Variants in RAB3C observed in about 807,000 individuals in gnomAD.
The protein encoded by RAB3C is RAB3C, member RAS oncogene family, also known as ras-related protein Rab-3C.
In RAB3C, 17 loss-of-function variants were observed where a neutral mutation model predicts 26.4. The observed-to-expected ratio is 0.64, with a 90% confidence interval of 0.44 to 0.97. The LOEUF (loss-of-function observed/expected upper bound fraction) is 0.97. RAB3C is among the 50% of genes least tolerant of loss of function. The probability of loss-of-function intolerance (pLI) is 0.00; values close to 1 mark genes in which losing one functional copy is unlikely to be tolerated. For missense variants in RAB3C, 242 were observed against 281.9 expected (o/e 0.86, Z 1.01); for synonymous variants, 91 against 95.9 (o/e 0.95, Z 0.30).
chr5:58,714,493 G>A (rs769531703), intron 2 of RAB3C, among the ~76,000 whole-genome samples: 3 of 152,006 alleles, frequency 2.0e-5, no homozygotes, highest in Non-Finnish European at 4.4e-5. Flanking sequence ...CATGAAAGGA[G>A]GATTTGAGAT....
intron 3 of RAB3C, among the ~76,000 whole-genome samples, chr5:58,816,491 GC>G (rs1743220574): frequency 6.6e-6 from 1 of 152,114 alleles, no homozygotes; most frequent in Non-Finnish European, 1.5e-5. Context: ...ACCTTCCGTT[GC>G]TTTCACGAAA....
At chr5:58,727,776 A>G (rs1035522409) in intron 3 of RAB3C, among the ~76,000 whole-genome samples, 3 of 151,996 alleles carry the variant, frequency 2.0e-5, no homozygotes, top group African/African-American at 7.2e-5. Context: ...AAGTGCTATT[A>G]TAAGTTTTCC....
At chr5:58,741,910 C>T (rs1741282772) in intron 3 of RAB3C, 1 of 151,246 alleles carries the variant, frequency 6.6e-6, no homozygotes, top group Non-Finnish European at 1.5e-5. Flanking sequence ...GAGGCTGAGT[C>T]AGAAGAATTG....
chr5:58,799,776 T>G (rs554956648), intron 3 of RAB3C, among the ~76,000 whole-genome samples: 1 of 152,296 alleles, frequency 6.6e-6, no homozygotes, highest in East Asian at 1.9e-4. Context: ...TGCTGGGATC[T>G]AAATGAATCC....
rs922715113 is a variant in RAB3C at position 58,851,988 on chromosome 5, C to T, written c.*637C>T. ...TGTTTTTAAGGTCCTTGCAATTTTC[C>T]TAAGTCATTAATATTACCTGACTGG... On this transcript the variant is annotated 3_prime_UTR_variant, in exon 5 of 5. Transcript: ENST00000282878. The T allele has an allele frequency of 6.6e-6, 1 of 152,070 alleles. No individual in the cohort carries two copies. Among genetic ancestry groups the T allele is most frequent in the African/African-American group, 2.4e-5 (1 of 41,404 alleles). 9.4% of individuals were successfully genotyped at this position (152,070 alleles called of 1,614,324 possible).
At chr5:58,761,461 T>C (rs576328755) in intron 3 of RAB3C, among the ~76,000 whole-genome samples, 2 of 152,318 alleles carry the variant, frequency 1.3e-5, no homozygotes, top group East Asian at 3.9e-4. Flanking sequence ...ATGTTACTGG[T>C]TCTGAAAAAT....
rs538528461 is a variant in RAB3C, at chr5:58,781,625, T to C, written c.372-43413T>C. 2.6e-5 allele frequency among the ~76,000 whole-genome samples: 4 copies of C among 152,228 alleles called. No homozygotes were observed. The South Asian group carries it at 8.3e-4, about 32-fold the overall frequency. ...TGTTAATCTTCTTAGATTACTCTTT[T>C]GTTCATGTTTCACATCATCAGCCTG... On this transcript the variant is annotated intron_variant, in intron 3 of 4. Transcript: ENST00000282878.
chr5:58,846,313 A>G (rs1447403218), intron 4 of RAB3C, among the ~76,000 whole-genome samples: 1 of 152,138 alleles, frequency 6.6e-6, no homozygotes, highest in Non-Finnish European at 1.5e-5. Flanking sequence ...GAGCCTGTTA[A>G]AAATGCATAT....
intron 1 of RAB3C, among the ~76,000 whole-genome samples, chr5:58,591,263 G>A (rs1389912767): frequency 6.6e-6 from 1 of 152,062 alleles, no homozygotes; most frequent in African/African-American, 2.4e-5. Context: ...GCATTGTGTG[G>A]TGTTGCTAAG....
intron 2 of RAB3C, among the ~76,000 whole-genome samples, chr5:58,663,292 G>A (rs1442791449): frequency 6.7e-6 from 1 of 149,602 alleles, no homozygotes; most frequent in Non-Finnish European, 1.5e-5. Context: ...GTAAAGATAA[G>A]GCTTTGTTGA....
At chr5:58,803,607 T>C (rs1347845279) in intron 3 of RAB3C, among the ~76,000 whole-genome samples, 1 of 152,222 alleles carries the variant, frequency 6.6e-6, no homozygotes, top group Non-Finnish European at 1.5e-5. Flanking sequence ...ACTTTGTTAG[T>C]GTCATATCTG....
At chr5:58,826,132 A>C (rs569925226) in intron 4 of RAB3C, among the ~76,000 whole-genome samples, 2 of 152,124 alleles carry the variant, frequency 1.3e-5, no homozygotes, top group East Asian at 3.9e-4. Context: ...GTAGGAGTGG[A>C]GTGTGATGGG....
intron 3 of RAB3C, among the ~76,000 whole-genome samples, chr5:58,732,803 C>A (rs1009036388): frequency 1.3e-5 from 2 of 152,168 alleles, no homozygotes; most frequent in Admixed American, 1.3e-4. Context: ...AAACCAGATG[C>A]TGACCTTATA....
chr5:58,585,125 T>C (rs1427411414), intron 1 of RAB3C, among the ~76,000 whole-genome samples: 1 of 152,092 alleles, frequency 6.6e-6, no homozygotes, highest in Non-Finnish European at 1.5e-5. Context: ...TCATGAGTAA[T>C]GTACATTTTA....
In RAB3C at chr5:58,854,013, C is replaced by G. The variant is rs1302901519; in HGVS notation, c.*2662C>G. ...CTTATAAATTATAACACTATAGTTC[C>G]AAGGTTTTTCAGCCTTTTGGCCAAC... On this transcript the variant is annotated 3_prime_UTR_variant, in exon 5 of 5. Transcript: ENST00000282878. The G allele has an allele frequency of 6.8e-6, 1 of 147,816 alleles. No homozygotes were observed. Among genetic ancestry groups the G allele is most frequent in the Non-Finnish European group, 1.5e-5 (1 of 67,342 alleles). The allele number at this position is 147,816 out of a possible 1,614,324, so 9.2% of individuals were successfully genotyped here. A position where few individuals can be genotyped will look rare whatever the true frequency, so the allele number is the denominator to read the frequency against.
chr5:58,748,318 A>G (rs1285449754), intron 3 of RAB3C, among the ~76,000 whole-genome samples: 1 of 152,168 alleles, frequency 6.6e-6, no homozygotes. Flanking sequence ...TTAATTATGT[A>G]CCTGCCTTTG....
At chr5:58,731,704 A>G (rs530748771) in intron 3 of RAB3C, among the ~76,000 whole-genome samples, 13 of 152,314 alleles carry the variant, frequency 8.5e-5, no homozygotes, top group Admixed American at 6.5e-4. Flanking sequence ...TGAATAATGC[A>G]TCTCAGGACA....
intron 3 of RAB3C, among the ~76,000 whole-genome samples, chr5:58,783,868 A>G (rs1337737425): frequency 3.3e-5 from 5 of 152,196 alleles, no homozygotes; most frequent in Admixed American, 2.0e-4. Flanking sequence ...ATGTTGGCTG[A>G]CTTAAATTGT....
intron 3 of RAB3C, among the ~76,000 whole-genome samples, chr5:58,815,515 A>G (rs558353996): frequency 6.6e-6 from 1 of 152,276 alleles, no homozygotes; most frequent in African/African-American, 2.4e-5. Flanking sequence ...TGATGGGGTG[A>G]ACACTTGCCT....
Sources: allele counts gnomAD v4.1 joint callset (sites outside exome capture counted in the v4.1 genomes callset), GRCh38; gene constraint gnomAD v4.1.1; transcripts MANE v1.5; gene names NCBI Gene and HGNC (gene_info 2026-07-23, HGNC 2026-07-21).